SERPINA12: variants seen among roughly 807,000 people sequenced by gnomAD.
SERPINA12 encodes the protein serpin A12.
A neutral mutation model predicts 25.9 loss-of-function variants in SERPINA12; 21 were observed. The observed-to-expected ratio is 0.81, with a 90% CI of 0.58 to 1.17. SERPINA12 has a LOEUF of 1.17. Among genes scored for constraint, SERPINA12 ranks in the 50% most tolerant of loss-of-function variants. The pLI is 0.00. For missense variants in SERPINA12, 562 were observed against 508.3 expected (o/e 1.11, Z -1.02); for synonymous variants, 220 against 196.0 (o/e 1.12, Z -1.02).
upstream of SERPINA12, chr14:94,511,698 A>G (rs949949648): frequency 3.5e-5 from 34 of 985,272 alleles, no homozygotes; most frequent in Admixed American, 6.1e-5. Flanking sequence ...CTTCCTTCCA[A>G]AGAGGCAGAA....
intron 1 of SERPINA12, chr14:94,503,471 G>A (rs1019737792): frequency 8.5e-6 from 2 of 236,624 alleles, no homozygotes; most frequent in Non-Finnish European, 1.4e-5. Flanking sequence ...AGCCCAACAA[G>A]CCCCACAGCC....
chr14:94,509,259 T>G (rs887985724), intron 1 of SERPINA12, among the ~76,000 whole-genome samples, 83 bp downstream of exon 1: 3 of 146,338 alleles, frequency 2.1e-5, no homozygotes, highest in Admixed American at 7.0e-5. Context: ...GGTTGTCTTC[T>G]CTAAGACAGA....
intron 1 of SERPINA12, among the ~76,000 whole-genome samples, chr14:94,505,602 C>A (rs1900902716): frequency 6.6e-6 from 1 of 152,196 alleles, no homozygotes; most frequent in African/African-American, 2.4e-5. Flanking sequence ...AAGATCAGAG[C>A]CAGTGAGGTG....
chr14:94,499,948 A>T (rs764718755), intron 1 of SERPINA12, among the ~76,000 whole-genome samples: 1 of 152,152 alleles, frequency 6.6e-6, no homozygotes, highest in Non-Finnish European at 1.5e-5. Flanking sequence ...AGGGGAGGGC[A>T]GTTGTGAGCT....
chr14:94,497,955 C>G lies in SERPINA12; in HGVS notation c.443G>C (p.Arg148Pro). Residue 148 changes from arginine (R) to proline (P), a missense_variant, in exon 2 of 5, where the codon CGT becomes CCT. Coordinates refer to ENST00000677451, the MANE Select transcript of SERPINA12 (RefSeq NM_001382267.1). ...GTTCTTGGCATCTTCCAAAAACTTA[C>G]GCTGTGGCTGCAGCCTCTGGTCAAT... ...LFIDQRLQPQ[R>P]KFLEDAKNFY... The G allele has an allele frequency of 1.2e-6, 2 of 1,614,166 alleles. No individual in the cohort carries two copies. Among genetic ancestry groups the G allele is most frequent in the South Asian group, 2.2e-5 (2 of 91,080 alleles).
At chr14:94,494,637 G>A (rs910376720) in intron 3 of SERPINA12, among the ~76,000 whole-genome samples, 1 of 152,190 alleles carries the variant, frequency 6.6e-6, no homozygotes, top group Non-Finnish European at 1.5e-5. Flanking sequence ...AAGAGGGTCA[G>A]ATTTGCAGGA....
chr14:94,490,025 C>T (rs549088281), intron 3 of SERPINA12, among the ~76,000 whole-genome samples: 3 of 146,588 alleles, frequency 2.0e-5, no homozygotes, highest in South Asian at 4.1e-4. Context: ...GTCTCAAGTT[C>T]CCCCGTCTCA....
At chr14:94,508,763 A>G (rs908367549) in intron 1 of SERPINA12, among the ~76,000 whole-genome samples, 5 of 152,224 alleles carry the variant, frequency 3.3e-5, no homozygotes, top group Admixed American at 6.5e-5. Flanking sequence ...ATATATATCA[A>G]TAAGTAACCA....
At chr14:94,496,758 G>T in intron 2 of SERPINA12, 115 bp from the exon 3 acceptor site, 1 of 861,962 alleles carries the variant, frequency 1.2e-6, no homozygotes, top group Non-Finnish European at 1.8e-6. Flanking sequence ...GATATTCCGG[G>T]ATATCAGGGA....
intron 1 of SERPINA12, chr14:94,501,249 C>T: frequency 2.6e-6 from 2 of 758,926 alleles, no homozygotes; most frequent in Non-Finnish European, 3.2e-6. Context: ...TTCCCAGTGC[C>T]TAGGAGTGGA....
At chr14:94,509,898 TGGGACA>T, upstream of SERPINA12, 1 of 837,114 alleles carries the variant, frequency 1.2e-6, no homozygotes, top group Non-Finnish European at 1.4e-6. Flanking sequence ...ATTCCTTCCC[TGGGACA>T]GGACAGGAAT....
chr14:94,492,353 G>A (rs1300124317), intron 3 of SERPINA12, among the ~76,000 whole-genome samples: 1 of 152,174 alleles, frequency 6.6e-6, no homozygotes, highest in Non-Finnish European at 1.5e-5. Flanking sequence ...GGAAAGCAGA[G>A]GTCAAGAGAA....
rs764536720 is a variant in SERPINA12, at chr14:94,487,316, G to A, written c.1232C>T (p.Pro411Leu). 6.8e-6 allele frequency: 11 copies of A among 1,613,518 alleles called. No homozygotes were observed. In the Admixed American group the frequency reaches 1.3e-4, roughly 20 times the overall value. The part of the protein sequence containing the change: ...SVLFLGKIVN[P>L]IGK The stretch of plus-strand genomic sequence containing the variant: ...AGGAATTCTCCTTTATTTTCCAATA[G>A]GGTTAACAATCTTTCCCAGGAAGAG... The change falls in exon 5 of 5, where the codon CCT becomes CTT. Residue 411 changes from proline to leucine, a missense_variant. Coordinates refer to ENST00000677451, the MANE Select transcript of SERPINA12 (RefSeq NM_001382267.1).
At chr14:94,507,044 G>A (rs1900954075) in intron 1 of SERPINA12, among the ~76,000 whole-genome samples, 1 of 152,170 alleles carries the variant, frequency 6.6e-6, no homozygotes, top group Admixed American at 6.5e-5. Flanking sequence ...CAGTTCAAAG[G>A]AAAGGATGAT....
intron 1 of SERPINA12, among the ~76,000 whole-genome samples, chr14:94,506,196 G>A (rs921843797): frequency 2.0e-5 from 3 of 152,186 alleles, no homozygotes; most frequent in African/African-American, 4.8e-5. Flanking sequence ...AGGCTGAGGG[G>A]TGGCCTGAAT....
chr14:94,493,702 C>T (rs1204999134), intron 3 of SERPINA12, among the ~76,000 whole-genome samples: 5 of 152,184 alleles, frequency 3.3e-5, no homozygotes, highest in Admixed American at 6.5e-5. Context: ...CACAAGACGC[C>T]GCTTCTGTGC....
upstream of SERPINA12, chr14:94,511,340 G>T (rs1297085172): frequency 5.5e-6 from 5 of 909,670 alleles, no homozygotes; most frequent in Non-Finnish European, 6.6e-6. Flanking sequence ...CTGAGGTTTG[G>T]GATAGTGAGT....
intron 1 of SERPINA12, chr14:94,500,908 T>G (rs1900689196): frequency 2.0e-6 from 2 of 984,722 alleles, no homozygotes; most frequent in Non-Finnish European, 2.4e-6. Flanking sequence ...GACTACTAAG[T>G]AGGCAGGAGT....
chr14:94,507,600 C>T (rs1167387719), intron 1 of SERPINA12, among the ~76,000 whole-genome samples: 4 of 152,114 alleles, frequency 2.6e-5, no homozygotes, highest in African/African-American at 4.8e-5. Context: ...AAAAGGTGCT[C>T]GACATCATTA....
Sources: allele counts gnomAD v4.1 joint callset (sites outside exome capture counted in the v4.1 genomes callset), GRCh38; gene constraint gnomAD v4.1.1; transcripts MANE v1.5; gene names NCBI Gene and HGNC (gene_info 2026-07-23, HGNC 2026-07-21).